Variants in RHBDD2 observed in about 807,000 individuals in gnomAD.
RHBDD2 encodes rhomboid domain containing 2.
Under a neutral mutation model 21.7 loss-of-function variants are expected in RHBDD2, and 13 were observed. The observed-to-expected ratio is 0.60, with a 90% CI of 0.39 to 0.95. RHBDD2 has a LOEUF of 0.95. Among genes scored for constraint, RHBDD2 ranks in the 40% least tolerant of loss-of-function variants. The pLI, the probability that RHBDD2 is intolerant of heterozygous loss-of-function variation, is 0.00. For synonymous variants in RHBDD2, 225 were observed against 220.0 expected (o/e 1.02, Z -0.20); for missense variants, 473 against 478.9 (o/e 0.99, Z 0.11).
chr7:75,879,883 A>G (rs1311446952), intron 1 of RHBDD2, among the ~76,000 whole-genome samples: 13 of 152,316 alleles, frequency 8.5e-5, no homozygotes, highest in Admixed American at 8.5e-4. Context: ...AGACCAATTA[A>G]GTATAAACAT....
intron 2 of RHBDD2, among the ~76,000 whole-genome samples, chr7:75,882,883 G>A (rs1478974714): frequency 1.3e-5 from 2 of 152,128 alleles, no homozygotes; most frequent in Non-Finnish European, 2.9e-5. Flanking sequence ...ATCAGTGGTG[G>A]GTGACTTAGG....
In RHBDD2 at chr7:75,888,810, C is replaced by T. The variant is rs558801176; in HGVS notation, c.*461C>T. 12 of 168,236 alleles carry T rather than the reference C, an allele frequency of 7.1e-5. No individual in the cohort carries two copies. In the South Asian group the frequency reaches 1.9e-3, roughly 27 times the overall value. The allele number at this position is 168,236 out of a possible 1,614,324, so 10.4% of individuals were successfully genotyped here. On this transcript the variant is annotated 3_prime_UTR_variant, in exon 4 of 4. Coordinates refer to ENST00000006777, the MANE Select transcript of RHBDD2 (RefSeq NM_001040456.3). ...TGTAGTGTCTCTCCCCTGCTGCGGG[C>T]GCCCCCACCCCGATTCCTCTCCCCA...
At chr7:75,880,164 A>T (rs1377167019) in intron 1 of RHBDD2, 2 of 152,036 alleles carry the variant, frequency 1.3e-5, no homozygotes, top group African/African-American at 4.8e-5. Context: ...GATGTTTTGG[A>T]ACTAGAGCCT....
intron 3 of RHBDD2, among the ~76,000 whole-genome samples, chr7:75,884,799 G>GTA (rs1805556469): frequency 6.6e-6 from 1 of 152,132 alleles, no homozygotes; most frequent in Admixed American, 6.6e-5. Context: ...AGCCTGGGCT[G>GTA]TGACACACAA....
rs1805144862 is a variant in RHBDD2 at position 75,879,036 on chromosome 7, A to T, written c.-47A>T. ...TGCCGCGAGGAGGCGGAAGGAGCAG[A>T]GGACCGGCAGCCGGCGTCGAGGCGG... On this transcript the variant is annotated 5_prime_UTR_variant, in exon 1 of 4. Transcript: ENST00000006777. 1 of 1,359,894 alleles carries T rather than the reference A, an allele frequency of 7.4e-7. No homozygotes were observed. Among genetic ancestry groups the T allele is most frequent in the Non-Finnish European group, 9.5e-7 (1 of 1,053,694 alleles). The allele number at this position is 1,359,894 out of a possible 1,614,324, so 84.2% of individuals were successfully genotyped here.
At chr7:75,882,401 C>G (rs543375185) in intron 2 of RHBDD2, among the ~76,000 whole-genome samples, 165 bp downstream of exon 2, 3 of 152,288 alleles carry the variant, frequency 2.0e-5, no homozygotes, top group Admixed American at 2.0e-4. Context: ...CAACTCACTG[C>G]AACCTCTGCC....
chr7:75,884,283 A>G (rs1465896866), intron 3 of RHBDD2, among the ~76,000 whole-genome samples: 1 of 152,044 alleles, frequency 6.6e-6, no homozygotes, highest in African/African-American at 2.4e-5. Context: ...TTGCAGTGGT[A>G]TGATCATAGC....
In RHBDD2 at chr7:75,888,047, C is replaced by G; in HGVS notation, c.793C>G (p.Pro265Ala). Residue 265 changes from proline to alanine, a missense_variant, in exon 4 of 4, where the codon CCA (proline) becomes GCA (alanine). Transcript: ENST00000006777. ...ACAGAGCTGCCACCCTCACCTGTCC[C>G]CAAGCCACCCTGTGTCCCAGACGCA... ...PTQSCHPHLS[P>A]SHPVSQTQHA... 1 of 1,613,722 alleles carries G rather than the reference C, an allele frequency of 6.2e-7. No individual in the cohort carries two copies. Among genetic ancestry groups the G allele is most frequent in the Non-Finnish European group, 8.5e-7 (1 of 1,180,034 alleles).
rs1805489654 is a variant in RHBDD2 at position 75,883,867 on chromosome 7, A to G, written c.737+19A>G. On this transcript the variant is annotated intron_variant, in intron 3 of 3. Transcript: ENST00000006777. ...GCCGGAAGTAAGTGACAGAACTCTTAAGTGCTGTTAAATCTTTTTTAAAAA... is the reference window on the plus strand; with the variant it reads ...GCCGGAAGTAAGTGACAGAACTCTTGAGTGCTGTTAAATCTTTTTTAAAAA... 6.4e-7 allele frequency: 1 copy of G among 1,571,766 alleles called. No individual in the cohort carries two copies. Among genetic ancestry groups the G allele is most frequent in the African/African-American group, 1.4e-5 (1 of 72,176 alleles).
rs368023673 is a variant in RHBDD2, at chr7:75,882,227, G to A, written c.577G>A (p.Gly193Arg). The A allele has an allele frequency of 1.6e-5, 25 of 1,610,102 alleles. No individual in the cohort carries two copies. Among genetic ancestry groups the A allele is most frequent in the East Asian group, 2.2e-5 (1 of 44,850 alleles). ...CAGTAATGTCTGCGGGCTGTCCATC[G>A]GGCTGGCCTGTATCCTTCCTAGCAG... ...FLSNVCGLSI[G>R]LAYGLTYCYS... Residue 193 changes from glycine to arginine, a missense_variant, in exon 2 of 4, where the codon GGG becomes AGG. Transcript: ENST00000006777.
chr7:75,883,289 G>T (rs1316557480), intron 2 of RHBDD2, among the ~76,000 whole-genome samples: 3 of 152,190 alleles, frequency 2.0e-5, no homozygotes, highest in African/African-American at 7.2e-5. Context: ...GGGAGGCTGA[G>T]GCAGGCAGAT....
In RHBDD2 at chr7:75,888,154, C is replaced by G. The variant is rs2116061004; in HGVS notation, c.900C>G (p.Ala300=). The G allele has an allele frequency of 3.1e-6, 5 of 1,613,910 alleles. No homozygotes were observed. The highest frequency in any genetic ancestry group is 1.1e-5 in the South Asian group (1 of 91,090). ...CCACCTTGCCTCCGTACCAGCCTGC[C>G]TCCGGCCTGTGCTATGTGCAGAACC... ...HMPTLPPYQP[A]SGLCYVQNHF... Residue 300 remains alanine (A), a synonymous_variant, in exon 4 of 4, where the codon GCC becomes GCG. Coordinates refer to ENST00000006777, the MANE Select transcript of RHBDD2 (RefSeq NM_001040456.3).
intron 3 of RHBDD2, 31 bp from the exon 4 acceptor site, chr7:75,887,961 A>T (rs782454387): frequency 6.3e-7 from 1 of 1,580,566 alleles, no homozygotes; most frequent in African/African-American, 1.3e-5. Flanking sequence ...AGACTCGCTG[A>T]AGGACCATTT....
chr7:75,883,556 G>T, intron 2 of RHBDD2, 142 bp from the exon 3 acceptor site: 1 of 683,372 alleles, frequency 1.5e-6, no homozygotes, highest in Non-Finnish European at 2.5e-6. Flanking sequence ...GGTTTCCCCT[G>T]AGCTGCAAAC....
At chr7:75,885,813 C>T (rs907574658) in intron 3 of RHBDD2, among the ~76,000 whole-genome samples, 2 of 152,084 alleles carry the variant, frequency 1.3e-5, no homozygotes, top group Non-Finnish European at 2.9e-5. Flanking sequence ...GGTCTGCCCC[C>T]GTGACCCAGA....
Position 75,881,909 on chromosome 7 carries a change from G to T in RHBDD2, c.259G>T (p.Ala87Ser). The T allele has an allele frequency of 4.3e-6, 7 of 1,614,214 alleles. No individual in the cohort carries two copies. The South Asian group carries it at 7.7e-5, about 18-fold the overall frequency. ...CGGCGCTATCATCATCTGGCGCTTT[G>T]CTGGCAATTTCGAGAGAACCGTGGG... is the stretch of plus-strand genomic sequence containing the variant. ...LCGAIIIWRF[A>S]GNFERTVGTV... is the part of the protein sequence containing the mutation. The change falls in exon 2 of 4, where the codon GCT becomes TCT. Residue 87 changes from alanine (A) to serine (S), a missense_variant. Physicochemically the swap from Ala to Ser is moderately conservative, Grantham distance 99 (BLOSUM62 1). Coordinates refer to ENST00000006777, the MANE Select transcript of RHBDD2 (RefSeq NM_001040456.3).
chr7:75,881,148 C>T (rs1336698203), intron 1 of RHBDD2, among the ~76,000 whole-genome samples: 5 of 151,938 alleles, frequency 3.3e-5, no homozygotes, highest in Admixed American at 6.6e-5. Flanking sequence ...GCCTGGGCAA[C>T]GTAGCAAGAC....
At chr7:75,881,003 A>G (rs1805291997) in intron 1 of RHBDD2, among the ~76,000 whole-genome samples, 1 of 152,116 alleles carries the variant, frequency 6.6e-6, no homozygotes, top group Non-Finnish European at 1.5e-5. Context: ...CTGGGATTAC[A>G]GGTGTGAGCC....
rs936649043 is a variant in RHBDD2 at position 75,888,624 on chromosome 7, G to A, written c.*275G>A. ...GACAAGGCTCCTCGCCAAGGAACTCGTGGCAGAAGAGGGCAGCAGTTGGCA... is the reference window on the plus strand; with the variant it reads ...GACAAGGCTCCTCGCCAAGGAACTCATGGCAGAAGAGGGCAGCAGTTGGCA... On this transcript the variant is annotated 3_prime_UTR_variant, in exon 4 of 4. Coordinates refer to ENST00000006777, the MANE Select transcript of RHBDD2 (RefSeq NM_001040456.3). 50 of 444,280 alleles carry A rather than the reference G, an allele frequency of 1.1e-4. No individual in the cohort carries two copies. The highest frequency in any genetic ancestry group is 5.8e-4 in the Middle Eastern group (1 of 1,722). The allele number at this position is 444,280 out of a possible 1,614,324, so 27.5% of individuals were successfully genotyped here. A position where few individuals can be genotyped will look rare whatever the true frequency, so the allele number is the denominator to read the frequency against.
Sources: allele counts gnomAD v4.1 joint callset (sites outside exome capture counted in the v4.1 genomes callset), GRCh38; gene constraint gnomAD v4.1.1; transcripts MANE v1.5; gene names NCBI Gene and HGNC (gene_info 2026-07-23, HGNC 2026-07-21).